The following DKK2 variants were observed in gnomAD, a reference collection of about 807,000 sequenced individuals.
DKK2 encodes the protein dickkopf Wnt signaling pathway inhibitor 2, also known as dickkopf-related protein 2.
In DKK2, 11 loss-of-function variants were observed where a neutral mutation model predicts 28.1. The ratio of observed to expected loss-of-function variants is 0.39; its 90% CI spans 0.25 to 0.65. The LOEUF is 0.65. Among genes scored for constraint, DKK2 ranks in the 30% least tolerant of loss-of-function variants. The pLI is 0.47. For synonymous variants in DKK2, 135 were observed against 126.5 expected (o/e 1.07, Z -0.45); for missense variants, 326 against 335.5 (o/e 0.97, Z 0.22).
intron 1 of DKK2, among the ~76,000 whole-genome samples, chr4:106,941,800 C>G (rs565205423): frequency 2.0e-5 from 3 of 152,180 alleles, no homozygotes; most frequent in Non-Finnish European, 2.9e-5. Context: ...CAGACATTTT[C>G]CAGATGATTT....
At chr4:106,948,309 T>TG in intron 1 of DKK2, among the ~76,000 whole-genome samples, 2 of 152,168 alleles carry the variant, frequency 1.3e-5, no homozygotes, top group Non-Finnish European at 2.9e-5. Flanking sequence ...TCAGTAGGTC[T>TG]GTGTGGGGCC....
intron 1 of DKK2, among the ~76,000 whole-genome samples, chr4:106,986,907 A>G (rs1300904251): frequency 6.6e-6 from 1 of 152,236 alleles, no homozygotes; most frequent in Admixed American, 6.5e-5. Flanking sequence ...AGTGTATTTC[A>G]TTCATATTCT....
chr4:107,018,852 A>G (rs1723649992), intron 1 of DKK2, among the ~76,000 whole-genome samples: 1 of 152,090 alleles, frequency 6.6e-6, no homozygotes, highest in South Asian at 2.1e-4. Flanking sequence ...AAAAAAGTAT[A>G]AACTAACACT....
At chr4:106,979,142 A>G (rs1722991219) in intron 1 of DKK2, among the ~76,000 whole-genome samples, 1 of 152,132 alleles carries the variant, frequency 6.6e-6, no homozygotes, top group South Asian at 2.1e-4. Context: ...ATGACAGGAA[A>G]TTCAGAGGAG....
chr4:107,011,040 G>GA (rs1200500610), intron 1 of DKK2, among the ~76,000 whole-genome samples: 1 of 151,384 alleles, frequency 6.6e-6, no homozygotes, highest in Non-Finnish European at 1.5e-5. Flanking sequence ...CTTGCAATCT[G>GA]AATTTTTTTG....
At chr4:106,974,554 G>A (rs1208778609) in intron 1 of DKK2, among the ~76,000 whole-genome samples, 1 of 152,040 alleles carries the variant, frequency 6.6e-6, no homozygotes, top group Non-Finnish European at 1.5e-5. Flanking sequence ...TTTGTTATTG[G>A]TGTATAGGAA....
chr4:107,011,763 G>A (rs1235077852), intron 1 of DKK2, among the ~76,000 whole-genome samples: 2 of 151,192 alleles, frequency 1.3e-5, no homozygotes, highest in Non-Finnish European at 3.0e-5. Flanking sequence ...ACAACATACA[G>A]TTTGTTGTCA....
chr4:106,924,821 C>G, intron 2 of DKK2, 121 bp from the exon 3 acceptor site: 3 of 942,364 alleles, frequency 3.2e-6, no homozygotes, highest in Non-Finnish European at 4.6e-6. Context: ...ATCTATCTAT[C>G]CACCCATCCA....
chr4:106,980,583 G>T (rs2110357814), intron 1 of DKK2, among the ~76,000 whole-genome samples: 1 of 152,162 alleles, frequency 6.6e-6, no homozygotes, highest in African/African-American at 2.4e-5. Flanking sequence ...TTGTTTGTTT[G>T]TTTTGGATGT....
intron 1 of DKK2, among the ~76,000 whole-genome samples, chr4:107,029,669 A>T (rs568610484): frequency 9.2e-5 from 14 of 152,260 alleles, no homozygotes; most frequent in Admixed American, 5.9e-4. Context: ...TAACATGAAG[A>T]TCTAATGTCT....
At chr4:106,984,880 C>A (rs77815675) in intron 1 of DKK2, among the ~76,000 whole-genome samples, 1 of 152,100 alleles carries the variant, frequency 6.6e-6, no homozygotes, top group African/African-American at 2.4e-5. Flanking sequence ...CTGTAATCCC[C>A]AGAGAAATTA....
chr4:106,979,574 C>G (rs140869985), intron 1 of DKK2, among the ~76,000 whole-genome samples: 1 of 151,930 alleles, frequency 6.6e-6, no homozygotes, highest in African/African-American at 2.4e-5. Context: ...AGCAAGGTAT[C>G]CTCCTGTGTA....
chr4:107,035,846 A>C lies in DKK2; in HGVS notation c.-255T>G. 3.8e-6 allele frequency: 2 copies of C among 530,660 alleles called. No homozygotes were observed. Among genetic ancestry groups the C allele is most frequent in the Admixed American group, 3.3e-5 (1 of 30,508 alleles). The allele number at this position is 530,660 out of a possible 1,614,324, so 32.9% of individuals were successfully genotyped here. ...TTCTGCAATAACTGGAAGCAATCAA[A>C]TGCGAGGCGCTTTCTCGCCAAGGAG... On this transcript the variant is annotated 5_prime_UTR_variant, in exon 1 of 4. Coordinates refer to ENST00000285311, the MANE Select transcript of DKK2 (RefSeq NM_014421.3).
chr4:107,013,330 G>T (rs1314461485), intron 1 of DKK2, among the ~76,000 whole-genome samples: 2 of 151,356 alleles, frequency 1.3e-5, no homozygotes, highest in Non-Finnish European at 3.0e-5. Context: ...CATAGTGCTG[G>T]CATAAAAACA....
intron 1 of DKK2, among the ~76,000 whole-genome samples, chr4:107,006,960 C>A (rs1272487345): frequency 6.6e-6 from 1 of 151,214 alleles, no homozygotes; most frequent in African/African-American, 2.4e-5. Flanking sequence ...ACATGTCGAA[C>A]ATCGATAGAC....
chr4:106,954,603 CT>C (rs1328981460), intron 1 of DKK2, among the ~76,000 whole-genome samples: 3 of 152,160 alleles, frequency 2.0e-5, no homozygotes, highest in African/African-American at 7.2e-5. Flanking sequence ...CTCACTGCAA[CT>C]TCTGCCACCC....
At chr4:107,001,976 C>T (rs986591675) in intron 1 of DKK2, among the ~76,000 whole-genome samples, 1 of 152,146 alleles carries the variant, frequency 6.6e-6, no homozygotes, top group Admixed American at 6.6e-5. Context: ...CAGATAGACC[C>T]GGAAAACTCA....
chr4:107,011,881 A>C (rs534936451), intron 1 of DKK2, among the ~76,000 whole-genome samples: 1 of 151,580 alleles, frequency 6.6e-6, no homozygotes, highest in African/African-American at 2.4e-5. Flanking sequence ...TAGTATTATT[A>C]ATGAAAAGAG....
intron 1 of DKK2, among the ~76,000 whole-genome samples, chr4:107,006,119 A>T (rs1723434129): frequency 6.6e-6 from 1 of 152,240 alleles, no homozygotes. Flanking sequence ...AAGGTCTAGA[A>T]AGCAATCAAA....
Sources: allele counts gnomAD v4.1 joint callset (sites outside exome capture counted in the v4.1 genomes callset), GRCh38; gene constraint gnomAD v4.1.1; transcripts MANE v1.5; gene names NCBI Gene and HGNC (gene_info 2026-07-23, HGNC 2026-07-21).